The following FHIT variants were observed in gnomAD, a reference collection of about 807,000 sequenced individuals.
FHIT encodes the protein fragile histidine triad diadenosine triphosphatase, also known as bis(5'-adenosyl)-triphosphatase.
A neutral mutation model predicts 17.9 loss-of-function variants in FHIT; 19 were observed. The ratio of observed to expected loss-of-function variants is 1.06; its 90% CI spans 0.74 to 1.56. The LOEUF is 1.56. FHIT is among the 40% of genes most tolerant of loss of function. The probability of loss-of-function intolerance (pLI) is 0.00; values close to 1 mark genes in which losing one functional copy is unlikely to be tolerated. For missense variants in FHIT, 248 were observed against 189.2 expected, an observed-to-expected ratio of 1.31 and a Z score of -1.82; for synonymous variants, 81 against 69.7, an observed-to-expected ratio of 1.16 and a Z score of -0.81.
chr3:60,247,719 C>T lies in FHIT; in HGVS notation c.104-233567G>A, dbSNP rs527551463. Among the ~76,000 whole-genome samples, 6 of 152,230 alleles carry T rather than the reference C, an allele frequency of 3.9e-5. No individual in the cohort carries two copies. The East Asian group carries it at 1.2e-3, about 29-fold the overall frequency. ...TTCATGTCCAAGTGCCACAGCTTGCCACTTGCTTGATTTTAGGCAATTTTC... is the reference window on the plus strand; with the variant it reads ...TTCATGTCCAAGTGCCACAGCTTGCTACTTGCTTGATTTTAGGCAATTTTC... On this transcript the variant is annotated intron_variant, in intron 5 of 9. Coordinates refer to ENST00000492590, the MANE Select transcript of FHIT (RefSeq NM_002012.4).
chr3:60,497,571 T>C (rs1437888285), intron 5 of FHIT, among the ~76,000 whole-genome samples: 1 of 152,182 alleles, frequency 6.6e-6, no homozygotes, highest in Non-Finnish European at 1.5e-5. Flanking sequence ...ATTTGCACTT[T>C]TTTTCAGTGT....
chr3:60,456,952 C>G (rs1348818754), intron 5 of FHIT, among the ~76,000 whole-genome samples: 1 of 152,146 alleles, frequency 6.6e-6, no homozygotes, highest in Non-Finnish European at 1.5e-5. Flanking sequence ...AATGGAAGAA[C>G]ATTCCATGCT....
chr3:59,942,806 G>A (rs907532434), intron 7 of FHIT, among the ~76,000 whole-genome samples: 2 of 151,946 alleles, frequency 1.3e-5, no homozygotes, highest in Admixed American at 1.3e-4. Flanking sequence ...GCACCACATT[G>A]GCTAATATTT....
At chr3:60,131,942 A>G (rs185390841) in intron 5 of FHIT, among the ~76,000 whole-genome samples, 111 of 152,274 alleles carry the variant, frequency 7.3e-4, no homozygotes, top group African/African-American at 2.5e-3. Flanking sequence ...CCCACTCTCA[A>G]GCTCTCCACA....
At chr3:61,213,946 C>A (rs1401814188) in intron 1 of FHIT, among the ~76,000 whole-genome samples, 1 of 152,082 alleles carries the variant, frequency 6.6e-6, no homozygotes, top group Non-Finnish European at 1.5e-5. Context: ...TAAAGATGTT[C>A]TTTGAAACCA....
chr3:60,092,094 C>G lies in FHIT; in HGVS notation c.104-77942G>C, dbSNP rs558665310. ...TTTTAAGGAATAGTACGACAATAAT[C>G]TCTAGATACATCTGCAATCAAGTAA... On this transcript the variant is annotated intron_variant, in intron 5 of 9. Transcript: ENST00000492590. Among the ~76,000 whole-genome samples the G allele has an allele frequency of 2.0e-4, 30 of 152,240 alleles. No homozygotes were observed. The South Asian group carries it at 6.0e-3, about 31-fold the overall frequency.
At chr3:60,613,062 A>T (rs912281354) in intron 4 of FHIT, among the ~76,000 whole-genome samples, 12 of 152,230 alleles carry the variant, frequency 7.9e-5, no homozygotes, top group African/African-American at 2.9e-4. Flanking sequence ...CTGCAGGAAC[A>T]TGCCTCTGAA....
intron 8 of FHIT, among the ~76,000 whole-genome samples, chr3:59,776,740 G>A (rs1702339475): frequency 6.6e-6 from 1 of 152,150 alleles, no homozygotes; most frequent in Non-Finnish European, 1.5e-5. Context: ...ACTTACTTAT[G>A]TGTGCTCAGC....
chr3:59,951,091 AT>A (rs1433865704), intron 7 of FHIT, among the ~76,000 whole-genome samples: 3 of 152,216 alleles, frequency 2.0e-5, no homozygotes, highest in African/African-American at 7.2e-5. Flanking sequence ...TAACCTAAGT[AT>A]TAATTACCTA....
intron 5 of FHIT, among the ~76,000 whole-genome samples, chr3:60,020,970 C>T (rs577116391): frequency 6.6e-6 from 1 of 152,134 alleles, no homozygotes; most frequent in African/African-American, 2.4e-5. Context: ...GTTTGGGCCA[C>T]ACCTTTTTTC....
chr3:60,745,018 C>A (rs903624247), intron 4 of FHIT, among the ~76,000 whole-genome samples: 3 of 151,806 alleles, frequency 2.0e-5, no homozygotes, highest in Non-Finnish European at 4.4e-5. Flanking sequence ...GAGGCAGAGG[C>A]GGGAGGATAG....
intron 3 of FHIT, among the ~76,000 whole-genome samples, chr3:61,005,485 T>C (rs2031383906): frequency 6.6e-6 from 1 of 151,948 alleles, no homozygotes; most frequent in Non-Finnish European, 1.5e-5. Flanking sequence ...CGGTGACAAA[T>C]GATGGTGGTA....
In FHIT at chr3:60,494,027, A is replaced by T. The variant is rs1369253939; in HGVS notation, c.103+42833T>A. Among the ~76,000 whole-genome samples the T allele has an allele frequency of 3.3e-5, 5 of 152,332 alleles. No homozygotes were observed. The East Asian group carries it at 9.6e-4, about 29-fold the overall frequency. On this transcript the variant is annotated intron_variant, in intron 5 of 9. Coordinates refer to ENST00000492590, the MANE Select transcript of FHIT (RefSeq NM_002012.4). ...GTATCTTTGTCCATTAATAAATGAC[A>T]TATACTCAAATACATAAAGTTGTAA...
chr3:59,812,697 T>C (rs1021038360), intron 8 of FHIT, among the ~76,000 whole-genome samples: 2 of 152,230 alleles, frequency 1.3e-5, no homozygotes, highest in Non-Finnish European at 2.9e-5. Context: ...ATTCCCTGTC[T>C]GCATGGGCTA....
rs1047696598 is a variant in FHIT at position 60,377,389 on chromosome 3, C to T, written c.103+159471G>A. Among the ~76,000 whole-genome samples the T allele has an allele frequency of 3.3e-5, 5 of 150,394 alleles. No homozygotes were observed. In the East Asian group the frequency reaches 9.9e-4, roughly 30 times the overall value. On this transcript the variant is annotated intron_variant, in intron 5 of 9. Coordinates refer to ENST00000492590, the MANE Select transcript of FHIT (RefSeq NM_002012.4). Reference sequence around the variant, plus strand: ...GGCCAGGATGGTCTCAATCTCTTGACCTTGTGATCCTCCCGCCTCAGCCTC... The same window carrying T: ...GGCCAGGATGGTCTCAATCTCTTGATCTTGTGATCCTCCCGCCTCAGCCTC...
At chr3:60,056,296 G>C (rs1171321526) in intron 5 of FHIT, among the ~76,000 whole-genome samples, 2 of 152,038 alleles carry the variant, frequency 1.3e-5, no homozygotes, top group Admixed American at 6.5e-5. Context: ...AGCTTGGTTT[G>C]CTTCTGGTTC....
At chr3:61,155,041 G>T (rs1015992934) in intron 2 of FHIT, among the ~76,000 whole-genome samples, 15 of 152,290 alleles carry the variant, frequency 9.8e-5, no homozygotes, top group African/African-American at 3.6e-4. Context: ...CTCTCTTCAG[G>T]AAGGTTCTGC....
chr3:60,648,628 TG>T (rs1184804684), intron 4 of FHIT, among the ~76,000 whole-genome samples: 2 of 152,220 alleles, frequency 1.3e-5, no homozygotes, highest in Non-Finnish European at 2.9e-5. Context: ...TCTGGACACC[TG>T]TTACTTGATG....
intron 2 of FHIT, among the ~76,000 whole-genome samples, chr3:61,075,439 C>T (rs2034943788): frequency 6.6e-6 from 1 of 152,002 alleles, no homozygotes; most frequent in Admixed American, 6.6e-5. Flanking sequence ...TTTAGTAACA[C>T]AAAGAATTAA....
Sources: allele counts gnomAD v4.1 joint callset (sites outside exome capture counted in the v4.1 genomes callset), GRCh38; gene constraint gnomAD v4.1.1; transcripts MANE v1.5; gene names NCBI Gene and HGNC (gene_info 2026-07-23, HGNC 2026-07-21).